Variants in CEACAM21 observed in about 807,000 individuals in gnomAD.
The protein encoded by CEACAM21 is CEA cell adhesion molecule 21.
A neutral mutation model predicts 33.2 loss-of-function variants in CEACAM21; 38 were observed. The ratio of observed to expected loss-of-function variants is 1.14; its 90% confidence interval spans 0.88 to 1.50. CEACAM21 has a LOEUF of 1.50. Among genes scored for constraint, CEACAM21 ranks in the 40% most tolerant of loss-of-function variants. The pLI, the probability that CEACAM21 is intolerant of heterozygous loss-of-function variation, is 0.00. For synonymous variants in CEACAM21, 156 were observed against 143.0 expected (o/e 1.09, Z -0.65); for missense variants, 385 against 364.6 (o/e 1.06, Z -0.46).
At chr19:41,557,751 T>C (rs1555785871) in intron 1 of CEACAM21, among the ~76,000 whole-genome samples, 3 of 152,218 alleles carry the variant, frequency 2.0e-5, no homozygotes, top group Admixed American at 6.5e-5. Flanking sequence ...ATGGTCTCGT[T>C]TGTCAACAGG....
Position 41,586,532 on chromosome 19 carries a change from T to C in CEACAM21, c.*69T>C. The C allele has an allele frequency of 1.6e-6, 1 of 633,058 alleles. No homozygotes were observed. The highest frequency in any genetic ancestry group is 4.1e-5 in the East Asian group (1 of 24,600). The allele number at this position is 633,058 out of a possible 1,614,324, so 39.2% of individuals were successfully genotyped here. A position where few individuals can be genotyped will look rare whatever the true frequency, so the allele number is the denominator to read the frequency against. ...ACAAAGCAGATGTGGCTTCTTAGGT[T>C]CCTCTGGGAGCTGCTCCTGTGGGTT... On this transcript the variant is annotated 3_prime_UTR_variant, in exon 7 of 7. Transcript: ENST00000401445.
At chr19:41,558,774 G>T (rs557835854) in intron 1 of CEACAM21, among the ~76,000 whole-genome samples, 3 of 152,296 alleles carry the variant, frequency 2.0e-5, no homozygotes, top group African/African-American at 7.2e-5. Context: ...ATGAGCACAG[G>T]CAAAGATTCT....
chr19:41,571,654 G>A (rs2042620956), upstream of CEACAM21, among the ~76,000 whole-genome samples: 2 of 152,194 alleles, frequency 1.3e-5, no homozygotes, highest in Admixed American at 1.3e-4. Flanking sequence ...GTAGACTTTT[G>A]TATTATTCTT....
At position 41,577,406 on chromosome 19, in the gene CEACAM21, C is replaced by T; in HGVS notation, c.271C>T (p.Pro91Ser). The T allele has an allele frequency of 6.2e-7, 1 of 1,614,164 alleles. No homozygotes were observed. Among genetic ancestry groups the T allele is most frequent in the South Asian group, 1.1e-5 (1 of 91,084 alleles). Residue 91 changes from proline (P) to serine (S), a missense_variant, in exon 2 of 7, where the codon CCA becomes TCA. Transcript: ENST00000401445. ...TGTAATAGACACTCACGTTAGGACTCCAGGGCCTGCATACAGCGGTCGAGA... is the reference window on the plus strand; with the variant it reads ...TGTAATAGACACTCACGTTAGGACTTCAGGGCCTGCATACAGCGGTCGAGA... ...AYVIDTHVRT[P>S]GPAYSGRETI...
At chr19:41,562,293 A>G (rs1460409621) in intron 1 of CEACAM21, among the ~76,000 whole-genome samples, 1 of 151,708 alleles carries the variant, frequency 6.6e-6, no homozygotes, top group Non-Finnish European at 1.5e-5. Flanking sequence ...AACACTATAA[A>G]GAAAGTTTTT....
chr19:41,553,126 T>TTTG (rs1175640488), intron 1 of CEACAM21, among the ~76,000 whole-genome samples: 3 of 151,946 alleles, frequency 2.0e-5, no homozygotes, highest in African/African-American at 4.8e-5. Flanking sequence ...GTTACCCTTT[T>TTTG]TTGTTGTTGT....
intron 2 of CEACAM21, among the ~76,000 whole-genome samples, chr19:41,568,496 T>C (rs559765481): frequency 7.2e-5 from 11 of 152,202 alleles, no homozygotes; most frequent in Non-Finnish European, 1.3e-4. Flanking sequence ...GGTTCATTCT[T>C]CTGCATATGA....
chr19:41,575,025 A>G (rs531232378), upstream of CEACAM21, among the ~76,000 whole-genome samples: 2 of 152,364 alleles, frequency 1.3e-5, no homozygotes, highest in African/African-American at 4.8e-5. Flanking sequence ...AAGAAGCTGT[A>G]ATATATGCTA....
intron 1 of CEACAM21, chr19:41,553,669 T>C (rs1055596158): frequency 2.0e-5 from 3 of 152,100 alleles, no homozygotes; most frequent in Non-Finnish European, 4.4e-5. Flanking sequence ...TTGGGATTCC[T>C]GACCTGTCAG....
chr19:41,570,566 C>G (rs62119450), intron 2 of CEACAM21, among the ~76,000 whole-genome samples: 6 of 152,212 alleles, frequency 3.9e-5, no homozygotes, highest in Admixed American at 2.0e-4. Flanking sequence ...GAAGTGGGAC[C>G]GGGCAGAATC....
intron 1 of CEACAM21, chr19:41,553,743 T>C (rs573339609): frequency 6.6e-6 from 1 of 152,164 alleles, no homozygotes; most frequent in African/African-American, 2.4e-5. Context: ...TCACAGGATA[T>C]AAGGTCAGTT....
At chr19:41,552,427 A>G (rs1555784597) in intron 1 of CEACAM21, among the ~76,000 whole-genome samples, 1 of 152,174 alleles carries the variant, frequency 6.6e-6, no homozygotes, top group Non-Finnish European at 1.5e-5. Context: ...AAGGCCCAGG[A>G]AAGGCCTAGG....
chr19:41,561,039 T>C (rs2041852624), intron 1 of CEACAM21, among the ~76,000 whole-genome samples: 1 of 152,232 alleles, frequency 6.6e-6, no homozygotes, highest in Non-Finnish European at 1.5e-5. Flanking sequence ...GATGACATTA[T>C]TGTCTATATG....
intron 1 of CEACAM21, among the ~76,000 whole-genome samples, chr19:41,557,285 C>T (rs1291519434): frequency 1.3e-5 from 2 of 152,128 alleles, no homozygotes; most frequent in Admixed American, 1.3e-4. Context: ...TCTGTGGGTC[C>T]TCCAGTCACA....
intron 3 of CEACAM21, 57 bp downstream of exon 3, chr19:41,579,685 G>C (rs1448276027): frequency 8.1e-6 from 10 of 1,240,870 alleles, no homozygotes; most frequent in South Asian, 1.5e-5. Flanking sequence ...TAGGAGGGAG[G>C]GGGGGTGTAA....
chr19:41,558,669 A>G (rs1261579148), intron 1 of CEACAM21, among the ~76,000 whole-genome samples: 1 of 152,160 alleles, frequency 6.6e-6, no homozygotes, highest in Non-Finnish European at 1.5e-5. Context: ...AACAAAAAAA[A>G]ACCTTCAACA....
intron 5 of CEACAM21, 79 bp from the exon 6 acceptor site, chr19:41,585,761 C>T (rs2070691443): frequency 1.5e-5 from 22 of 1,425,580 alleles, no homozygotes; most frequent in Non-Finnish European, 2.1e-5. Flanking sequence ...TCTCTAAGAA[C>T]TGAGGACCCC....
At position 41,584,461 on chromosome 19, in the gene CEACAM21, C is replaced by T; in HGVS notation, c.797+18C>T. 6.3e-7 allele frequency: 1 copy of T among 1,588,916 alleles called. No homozygotes were observed. ...ACTGGCAGGTACCACAGCTTTTCCC[C>T]ATTCTGCTCCCATCCTTCACGCTGA... On this transcript the variant is annotated intron_variant, in intron 4 of 6. Transcript: ENST00000401445.
At position 41,576,390 on chromosome 19, in the gene CEACAM21, G is replaced by C. The variant is rs576873064; in HGVS notation, c.64+52G>C. On this transcript the variant is annotated intron_variant, in intron 1 of 6. Coordinates refer to ENST00000401445, the MANE Select transcript of CEACAM21 (RefSeq NM_001098506.4). ...GTGGGAGGAGGGAGCACAGAGACTG[G>C]CTGGGGTCTCCTGGGGAGGATGGGG... 20 of 1,577,066 alleles carry C rather than the reference G, an allele frequency of 1.3e-5. No homozygotes were observed. The South Asian group carries it at 2.3e-4, about 18-fold the overall frequency.
Sources: allele counts gnomAD v4.1 joint callset (sites outside exome capture counted in the v4.1 genomes callset), GRCh38; gene constraint gnomAD v4.1.1; transcripts MANE v1.5; gene names NCBI Gene and HGNC (gene_info 2026-07-23, HGNC 2026-07-21).